NRG1: variants seen among roughly 807,000 people sequenced by gnomAD.
NRG1 encodes neuregulin 1.
In NRG1, 18 loss-of-function variants were observed where a neutral mutation model predicts 63.8. The ratio of observed to expected loss-of-function variants is 0.28; its 90% CI spans 0.19 to 0.42. The LOEUF (loss-of-function observed/expected upper bound fraction) is 0.42. Ranked by LOEUF, NRG1 falls within the 10% of genes least tolerant of loss-of-function variation. The pLI is 1.00. For missense variants in NRG1, 762 were observed against 814.7 expected (o/e 0.94, Z 0.79); for synonymous variants, 302 against 301.3 (o/e 1.00, Z -0.02).
intron 1 of NRG1, among the ~76,000 whole-genome samples, chr8:31,870,669 C>T (rs1829398126): frequency 6.6e-6 from 1 of 152,118 alleles, no homozygotes; most frequent in South Asian, 2.1e-4. Context: ...TCTTTTACTT[C>T]ATTTCCTAAA....
chr8:31,655,986 A>G (rs1019081322), intron 1 of NRG1, among the ~76,000 whole-genome samples: 2 of 152,234 alleles, frequency 1.3e-5, no homozygotes, highest in African/African-American at 4.8e-5. Context: ...TATTGTCGAC[A>G]TATCCACATG....
chr8:31,856,062 A>C (rs1190866567), intron 1 of NRG1, among the ~76,000 whole-genome samples: 1 of 151,202 alleles, frequency 6.6e-6, no homozygotes, highest in Non-Finnish European at 1.5e-5. Flanking sequence ...CCTTCATTTC[A>C]ACTTTGGTGA....
At chr8:31,697,115 C>A (rs947565693) in intron 1 of NRG1, among the ~76,000 whole-genome samples, 12 of 152,076 alleles carry the variant, frequency 7.9e-5, no homozygotes, top group Non-Finnish European at 1.5e-5. Flanking sequence ...GGCTCTGAAG[C>A]AATTTAAGCC....
intron 1 of NRG1, among the ~76,000 whole-genome samples, chr8:32,265,984 C>T (rs747874256): frequency 3.3e-5 from 5 of 152,036 alleles, no homozygotes; most frequent in South Asian, 2.1e-4. Context: ...AATACTACGC[C>T]GTTTTACATC....
At chr8:31,733,117 C>T (rs897347748) in intron 1 of NRG1, among the ~76,000 whole-genome samples, 5 of 150,216 alleles carry the variant, frequency 3.3e-5, no homozygotes, top group Admixed American at 3.3e-4. Context: ...CAGTTTCATC[C>T]ATGTTGCTGC....
chr8:32,569,905 CTTTT>C (rs1209336043), intron 1 of NRG1, among the ~76,000 whole-genome samples: 1 of 121,632 alleles, frequency 8.2e-6, no homozygotes. Context: ...TGATAGTTAT[CTTTT>C]TTTTTTTTTT....
intron 1 of NRG1, among the ~76,000 whole-genome samples, chr8:32,440,320 T>G (rs577822216): frequency 6.6e-6 from 1 of 152,066 alleles, no homozygotes; most frequent in Non-Finnish European, 1.5e-5. Context: ...CTAATTTTCT[T>G]TTCTTTTCTT....
intron 5 of NRG1, among the ~76,000 whole-genome samples, chr8:32,664,212 G>A (rs1803567315): frequency 6.6e-6 from 1 of 151,734 alleles, no homozygotes; most frequent in African/African-American, 2.4e-5. Context: ...CAGGAGCTTG[G>A]TTTCATCAAA....
intron 1 of NRG1, among the ~76,000 whole-genome samples, chr8:32,338,710 A>G (rs1803657414): frequency 6.6e-6 from 1 of 152,236 alleles, no homozygotes; most frequent in African/African-American, 2.4e-5. Context: ...ATGCAGAAGC[A>G]TGTTAGAAAT....
chr8:32,369,204 T>C (rs1808475863), intron 1 of NRG1, among the ~76,000 whole-genome samples: 1 of 152,238 alleles, frequency 6.6e-6, no homozygotes, highest in Non-Finnish European at 1.5e-5. Flanking sequence ...TTGGGTTTTT[T>C]ACTTTTCATT....
At chr8:32,751,983 T>C (rs1828823335) in intron 7 of NRG1, among the ~76,000 whole-genome samples, 1 of 152,186 alleles carries the variant, frequency 6.6e-6, no homozygotes, top group Admixed American at 6.5e-5. Flanking sequence ...AGAAGCAGTT[T>C]CCTAGCTTCT....
intron 1 of NRG1, among the ~76,000 whole-genome samples, chr8:32,321,808 G>A (rs2129476794): frequency 6.6e-6 from 1 of 151,530 alleles, no homozygotes; most frequent in South Asian, 2.1e-4. Context: ...TTTCTTGATG[G>A]AGATATTGAG....
At chr8:32,017,026 T>C (rs1347600395) in intron 1 of NRG1, among the ~76,000 whole-genome samples, 3 of 152,196 alleles carry the variant, frequency 2.0e-5, no homozygotes, top group Non-Finnish European at 4.4e-5. Flanking sequence ...CTAAGAAACA[T>C]ATTAATTCAG....
chr8:32,151,621 A>G (rs993930698), intron 1 of NRG1, among the ~76,000 whole-genome samples: 3 of 152,136 alleles, frequency 2.0e-5, no homozygotes, highest in Non-Finnish European at 4.4e-5. Flanking sequence ...AAGTCTCTAT[A>G]CTTGCTGGGG....
intron 1 of NRG1, among the ~76,000 whole-genome samples, chr8:31,857,332 C>A (rs140110813): frequency 6.6e-6 from 1 of 152,222 alleles, no homozygotes; most frequent in Non-Finnish European, 1.5e-5. Context: ...TTTTTTAAGC[C>A]GGTTGGAAAA....
chr8:32,521,884 C>T (rs570375700), intron 1 of NRG1, among the ~76,000 whole-genome samples: 28 of 152,258 alleles, frequency 1.8e-4, no homozygotes, highest in Middle Eastern at 3.4e-3. Flanking sequence ...CCTCTCTCTT[C>T]CTGCTTTTTT....
At chr8:32,146,320 C>G (rs1039410020) in intron 1 of NRG1, among the ~76,000 whole-genome samples, 21 of 152,146 alleles carry the variant, frequency 1.4e-4, no homozygotes, top group African/African-American at 4.6e-4. Context: ...TACTGAATAG[C>G]TTTGTTGATT....
chr8:32,384,099 T>C (rs1227935579), intron 1 of NRG1, among the ~76,000 whole-genome samples: 1 of 151,342 alleles, frequency 6.6e-6, no homozygotes, highest in East Asian at 1.9e-4. Context: ...TAGCCAGGAG[T>C]GGTGGTATGT....
At chr8:32,366,719 CT>C (rs770143283) in intron 1 of NRG1, among the ~76,000 whole-genome samples, 21 of 87,916 alleles carry the variant, frequency 2.4e-4, no homozygotes, top group South Asian at 3.9e-4. Context: ...ATATATCTCA[CT>C]TTTTTTTTTG....
Sources: gnomAD v4.1 joint callset for allele counts (sites outside exome capture counted in the v4.1 genomes callset) on GRCh38, gnomAD v4.1.1 for gene constraint, MANE v1.5 for transcripts, NCBI Gene and HGNC (gene_info 2026-07-23, HGNC 2026-07-21) for gene names.